The following OSBPL10 variants were observed in gnomAD, a reference collection of about 807,000 sequenced individuals.
The protein encoded by OSBPL10 is oxysterol binding protein like 10.
In OSBPL10, 49 loss-of-function variants were observed where a neutral mutation model predicts 81.7. The ratio of observed to expected loss-of-function variants is 0.60; its 90% CI spans 0.48 to 0.76. The LOEUF (loss-of-function observed/expected upper bound fraction) is 0.76, where lower values mean the gene tolerates loss of function less well. Among genes scored for constraint, OSBPL10 ranks in the 30% least tolerant of loss-of-function variants. The pLI is 0.00. For synonymous variants in OSBPL10, 419 were observed against 383.6 expected (o/e 1.09, Z -1.08); for missense variants, 923 against 987.8 (o/e 0.93, Z 0.88).
At chr3:31,815,897 G>T (rs1699822967) in intron 4 of OSBPL10, among the ~76,000 whole-genome samples, 2 of 152,124 alleles carry the variant, frequency 1.3e-5, no homozygotes, top group African/African-American at 4.8e-5. Context: ...AAGGCTCCTT[G>T]TATTAAATTG....
At position 31,830,216 on chromosome 3, in the gene OSBPL10, G is replaced by C; in HGVS notation, c.553C>G (p.Arg185Gly). 6.2e-7 allele frequency: 1 copy of C among 1,613,612 alleles called. No individual in the cohort carries two copies. Among genetic ancestry groups the C allele is most frequent in the Non-Finnish European group, 8.5e-7 (1 of 1,179,778 alleles). ...EMNSKSAPSS[R>G]SRSLTLLPHG... ...GGGAGCAAAGTGAGACTTCGGCTTC[G>C]GGAGCTTGGAGCACTCTAGAATAAG... Residue 185 changes from arginine to glycine, a missense_variant, in exon 4 of 12, where the codon CGA (arginine) becomes GGA (glycine). Arg to Gly is a moderately radical substitution (Grantham distance 125). Coordinates refer to ENST00000396556, the MANE Select transcript of OSBPL10 (RefSeq NM_017784.5).
At chr3:32,069,257 A>G (rs1205885063) in intron 1 of OSBPL10, among the ~76,000 whole-genome samples, 1 of 152,118 alleles carries the variant, frequency 6.6e-6, no homozygotes, top group Non-Finnish European at 1.5e-5. Context: ...CTCTCCCCAG[A>G]TGAACGGGAA....
chr3:31,784,886 C>T (rs886915382), intron 4 of OSBPL10, among the ~76,000 whole-genome samples: 17 of 14,256 alleles, frequency 1.2e-3, no homozygotes, highest in Admixed American at 3.5e-3. Context: ...TTTGGGGGGG[C>T]GGGGGGGTGG....
chr3:31,983,671 G>A (rs574019705), upstream of OSBPL10, among the ~76,000 whole-genome samples: 4 of 152,216 alleles, frequency 2.6e-5, no homozygotes, highest in South Asian at 2.1e-4. Context: ...CTCTTCACCC[G>A]GTTTGTGTTT....
chr3:31,925,018 C>T (rs1697029481), intron 1 of OSBPL10, among the ~76,000 whole-genome samples: 1 of 152,166 alleles, frequency 6.6e-6, no homozygotes, highest in South Asian at 2.1e-4. Context: ...CTCCTTTATG[C>T]ATTTCACAAA....
chr3:31,722,666 A>G (rs1357329800), intron 6 of OSBPL10, among the ~76,000 whole-genome samples: 1 of 152,074 alleles, frequency 6.6e-6, no homozygotes, highest in African/African-American at 2.4e-5. Context: ...CATTATATAT[A>G]TATATTTAAA....
intron 6 of OSBPL10, among the ~76,000 whole-genome samples, chr3:31,711,394 G>A (rs1297393740): frequency 4.6e-5 from 7 of 152,224 alleles, no homozygotes; most frequent in South Asian, 4.1e-4. Flanking sequence ...GGAGGGGAAC[G>A]CAGTGGCCAT....
At chr3:31,968,509 G>C (rs1372243573) in intron 1 of OSBPL10, among the ~76,000 whole-genome samples, 1 of 119,774 alleles carries the variant, frequency 8.3e-6, no homozygotes, top group Non-Finnish European at 1.6e-5. Context: ...TATTTTGAAG[G>C]GGAAAAAAAA....
intron 1 of OSBPL10, among the ~76,000 whole-genome samples, chr3:32,050,275 A>G (rs1269946289): frequency 6.6e-6 from 1 of 152,248 alleles, no homozygotes; most frequent in Non-Finnish European, 1.5e-5. Flanking sequence ...AGCAATAGAG[A>G]CTGCCCAGTG....
chr3:31,952,929 CTTTTTT>C (rs57873437), intron 1 of OSBPL10, among the ~76,000 whole-genome samples: 1 of 116,570 alleles, frequency 8.6e-6, no homozygotes, highest in Admixed American at 9.1e-5. Flanking sequence ...AATCTTCCTA[CTTTTTT>C]TTTTTTTTTT....
intron 2 of OSBPL10, among the ~76,000 whole-genome samples, chr3:31,877,031 G>A (rs564875536): frequency 1.7e-4 from 25 of 151,248 alleles, no homozygotes; most frequent in East Asian, 5.9e-4. Context: ...AGCCTCCTCC[G>A]TAGCTGGGAC....
At chr3:31,917,213 T>C (rs966174259) in intron 1 of OSBPL10, among the ~76,000 whole-genome samples, 2 of 152,180 alleles carry the variant, frequency 1.3e-5, no homozygotes, top group African/African-American at 4.8e-5. Flanking sequence ...ACAGCGTTCA[T>C]GTGAGGTGGG....
At chr3:31,676,936 G>A (rs1385851088) in intron 8 of OSBPL10, among the ~76,000 whole-genome samples, 1 of 152,184 alleles carries the variant, frequency 6.6e-6, no homozygotes, top group African/African-American at 2.4e-5. Context: ...AAGGGGTGCA[G>A]TCTCTGGGGT....
At chr3:31,800,679 A>AT (rs1250750654) in intron 4 of OSBPL10, among the ~76,000 whole-genome samples, 2 of 152,276 alleles carry the variant, frequency 1.3e-5, no homozygotes, top group African/African-American at 4.8e-5. Flanking sequence ...AATGAACCAC[A>AT]TGGGTGGGTC....
Position 31,678,782 on chromosome 3 carries a change from CTGTGTGTGTGTGTGTGTGTG to C in OSBPL10, c.1726+4832_1726+4851del, listed in dbSNP as rs67616509. On this transcript the variant is annotated intron_variant, in intron 8 of 11. Transcript: ENST00000396556. ...TACTCTGACTAATCACAGATTCAAA[CTGTGTGTGTGTGTGTGTGTG>C]TGTGTGTGTGTGTGTGTGTGTGTGT... 8.7e-4 allele frequency among the ~76,000 whole-genome samples: 118 copies of C among 135,646 alleles called. 1 individual carries two copies. Among genetic ancestry groups the C allele is most frequent in the African/African-American group, 2.7e-3 (99 of 36,586 alleles). The allele number at this position is 135,646 out of a possible 152,430, so 89.0% of individuals were successfully genotyped here.
In OSBPL10 at chr3:31,988,671, A is replaced by C. The variant is rs1215734053; in HGVS notation, n.298+57820T>G. 2 of 208,134 alleles carry C rather than the reference A, an allele frequency of 9.6e-6. 1 individual carries two copies. The highest frequency in any genetic ancestry group is 1.0e-4 in the Admixed American group (2 of 19,236). 12.9% of individuals were successfully genotyped at this position (208,134 alleles called of 1,614,324 possible). A position where few individuals can be genotyped will look rare whatever the true frequency, so the allele number is the denominator to read the frequency against. ...CTCTCTATCATCAGTCACTCTAGGA[A>C]AGCCAGCTGCCATGACATAAGGATA... On this transcript the variant is annotated intron_variant and non_coding_transcript_variant, in intron 2 of 3. Coordinates refer to the OSBPL10 transcript ENST00000479173.
At chr3:31,731,761 A>T (rs888843594) in intron 6 of OSBPL10, among the ~76,000 whole-genome samples, 1 of 152,212 alleles carries the variant, frequency 6.6e-6, no homozygotes, top group Non-Finnish European at 1.5e-5. Flanking sequence ...TGCTGGGATT[A>T]CAGGCGTGAG....
chr3:31,740,671 G>C (rs1340548740), intron 5 of OSBPL10, among the ~76,000 whole-genome samples: 1 of 151,884 alleles, frequency 6.6e-6, no homozygotes, highest in African/African-American at 2.4e-5. Context: ...GGAGACTGAG[G>C]CAGGAGGATT....
At position 31,733,312 on chromosome 3, in the gene OSBPL10, C is replaced by T. The variant is rs1697033494; in HGVS notation, c.1040G>A (p.Trp347Ter). The T allele has an allele frequency of 1.2e-6, 2 of 1,612,438 alleles. No individual in the cohort carries two copies. Among genetic ancestry groups the T allele is most frequent in the Non-Finnish European group, 1.7e-6 (2 of 1,179,658 alleles). ...TTCAGCAGAGTTTGGTAAAATTGCC[C>T]AGGTTATGTTGGCACTGGCTGATGG... ...SLPSASANIT[W>*]AILPNSAEDE... Residue 347 changes from tryptophan to a stop codon, truncating the protein, a stop_gained, in exon 6 of 12, where the codon TGG becomes TAG. Coordinates refer to ENST00000396556, the MANE Select transcript of OSBPL10 (RefSeq NM_017784.5). LOFTEE classifies it high-confidence loss of function.
Sources: allele counts gnomAD v4.1 joint callset (sites outside exome capture counted in the v4.1 genomes callset), GRCh38; gene constraint gnomAD v4.1.1; transcripts MANE v1.5; gene names NCBI Gene and HGNC (gene_info 2026-07-23, HGNC 2026-07-21).